Variants in ITSN1 observed in about 807,000 individuals in gnomAD.
The protein encoded by ITSN1 is intersectin-1.
Under a neutral mutation model 239.8 loss-of-function variants are expected in ITSN1, and 58 were observed. The ratio of observed to expected loss-of-function variants is 0.24; its 90% confidence interval spans 0.20 to 0.30. The LOEUF is 0.30. Ranked by LOEUF, ITSN1 falls within the 10% of genes least tolerant of loss-of-function variation. ITSN1 has a pLI of 1.00. For missense variants in ITSN1, 1,558 were observed against 2,103.3 expected (o/e 0.74, Z 5.07); for synonymous variants, 780 against 770.8 (o/e 1.01, Z -0.20).
intron 21 of ITSN1, 58 bp from the exon 22 acceptor site, chr21:33,813,855 A>G: frequency 6.9e-7 from 1 of 1,455,848 alleles, no homozygotes; most frequent in Non-Finnish European, 9.2e-7. Flanking sequence ...TACTGTGGGT[A>G]AAAAGCTGGT....
rs267606116 is a variant in ITSN1, at chr21:33,888,222, G to A, written c.5088G>A (p.Thr1696=). The part of the protein sequence containing the change: ...KKDQGSKGPV[T]KCLLLHEVPT... ...ACCAGGGCTCCAAAGGTCCAGTTAC[G>A]AAGTGTCTTCTGCTGCACGAAGTCC... Residue 1696 remains threonine (T), a synonymous_variant, in exon 40 of 40, where the codon ACG becomes ACA. Transcript: ENST00000381318. 1.2e-5 allele frequency: 19 copies of A among 1,613,992 alleles called. No homozygotes were observed. In the Admixed American group the frequency reaches 1.7e-4, roughly 14 times the overall value.
Position 33,797,310 on chromosome 21 carries a change from TGAAAAGAGG to T in ITSN1, c.1953-68_1953-60del. On this transcript the variant is annotated intron_variant, in intron 17 of 39. Coordinates refer to ENST00000381318, the MANE Select transcript of ITSN1 (RefSeq NM_003024.3). The surrounding 1 kb of genome is among the most constrained non-coding windows in gnomAD (Gnocchi z 4.9). Reference sequence around the variant, plus strand: ...CATTTACTGGATGGAGCTTTTTTTGTGAAAAGAGGCAACAGTAGTGTTAACTTAGAGTTG... The same window carrying T: ...CATTTACTGGATGGAGCTTTTTTTGTCAACAGTAGTGTTAACTTAGAGTTG... 4.4e-6 allele frequency: 6 copies of T among 1,370,256 alleles called. No individual in the cohort carries two copies. In the Admixed American group the frequency reaches 7.3e-5, roughly 17 times the overall value. 84.9% of individuals were successfully genotyped at this position (1,370,256 alleles called of 1,614,324 possible).
chr21:33,704,485 G>A (rs1377250257), intron 1 of ITSN1, among the ~76,000 whole-genome samples: 1 of 152,150 alleles, frequency 6.6e-6, no homozygotes, highest in Non-Finnish European at 1.5e-5. Context: ...TCTGAATCCA[G>A]ACTCTCTCTT....
At chr21:33,874,773 C>T (rs555992370) in intron 33 of ITSN1, among the ~76,000 whole-genome samples, 37 of 152,022 alleles carry the variant, frequency 2.4e-4, no homozygotes, top group African/African-American at 8.7e-4. Context: ...CTCAGCCCCC[C>T]GAGTAGCTGG....
intron 25 of ITSN1, among the ~76,000 whole-genome samples, chr21:33,825,994 T>A (rs1398097466): frequency 6.6e-6 from 1 of 152,236 alleles, no homozygotes; most frequent in Non-Finnish European, 1.5e-5. Flanking sequence ...TACTGCAAGA[T>A]AGACTCAAGC....
intron 6 of ITSN1, among the ~76,000 whole-genome samples, chr21:33,750,932 A>G (rs999385086): frequency 6.6e-6 from 1 of 152,210 alleles, no homozygotes; most frequent in Admixed American, 6.5e-5. Context: ...ATTCATATCA[A>G]TATGGAAAGT....
chr21:33,833,602 G>A (rs187937572), intron 27 of ITSN1, among the ~76,000 whole-genome samples: 37 of 152,274 alleles, frequency 2.4e-4, no homozygotes, highest in South Asian at 8.3e-4. Flanking sequence ...GCGCGGTGGC[G>A]CACGCCTGTA....
chr21:33,673,230 A>T (rs1030112623), intron 1 of ITSN1, among the ~76,000 whole-genome samples: 2 of 152,194 alleles, frequency 1.3e-5, no homozygotes, highest in Non-Finnish European at 2.9e-5. Flanking sequence ...GTAAGAATAG[A>T]GTGGCTGAGT....
chr21:33,802,291 T>C (rs570780928), intron 19 of ITSN1, 139 bp from the exon 20 acceptor site: 6 of 753,454 alleles, frequency 8.0e-6, no homozygotes, highest in Non-Finnish European at 1.4e-5. Flanking sequence ...ATCCTAGGCC[T>C]GTTGAAACCT....
intron 34 of ITSN1, among the ~76,000 whole-genome samples, chr21:33,880,427 G>A (rs947655594): frequency 1.4e-4 from 22 of 152,104 alleles, no homozygotes; most frequent in Non-Finnish European, 2.6e-4. Flanking sequence ...TTGGTCTCCA[G>A]GCTCCTGCCT....
At chr21:33,666,463 A>T (rs571067440) in intron 1 of ITSN1, among the ~76,000 whole-genome samples, 15 of 107,478 alleles carry the variant, frequency 1.4e-4, no homozygotes, top group African/African-American at 6.4e-4. Flanking sequence ...GCTGCAATTT[A>T]AAAAAAATAA....
At chr21:33,854,042 A>G (rs1296158384) in intron 29 of ITSN1, among the ~76,000 whole-genome samples, 1 of 152,216 alleles carries the variant, frequency 6.6e-6, no homozygotes, top group African/African-American at 2.4e-5. Flanking sequence ...TCATAGTAGG[A>G]CATCAGTAAA....
rs762178490 is a variant in ITSN1 at position 33,735,191 on chromosome 21, C to T, written c.333C>T (p.Ser111=). 1.5e-5 allele frequency: 24 copies of T among 1,612,940 alleles called. No homozygotes were observed. Among genetic ancestry groups the T allele is most frequent in the South Asian group, 9.9e-5 (9 of 90,714 alleles). The change falls in exon 5 of 40, where the codon AGC becomes AGT. Residue 111 remains serine (S), a synonymous_variant. Transcript: ENST00000381318. ...AACAGCAACCAGTTGCTATTTCTAGCGCACCAGCATTTGGTAAGTCTGAAA... is the reference window on the plus strand; with the variant it reads ...AACAGCAACCAGTTGCTATTTCTAGTGCACCAGCATTTGGTAAGTCTGAAA... ...VMKQQPVAIS[S]APAFGMGGIA... is the part of the protein sequence containing the mutation.
intron 1 of ITSN1, among the ~76,000 whole-genome samples, chr21:33,715,869 G>T (rs1286410470): frequency 6.6e-6 from 1 of 152,154 alleles, no homozygotes; most frequent in African/African-American, 2.4e-5. Flanking sequence ...AGTGAGCCAA[G>T]ATTGCACCAC....
At chr21:33,868,537 A>G (rs1023651158) in intron 33 of ITSN1, among the ~76,000 whole-genome samples, 1 of 151,918 alleles carries the variant, frequency 6.6e-6, no homozygotes, top group East Asian at 1.9e-4. Flanking sequence ...GACCCAGTAC[A>G]CCCTCCGCAG....
At chr21:33,816,209 A>G (rs1195683592) in intron 22 of ITSN1, among the ~76,000 whole-genome samples, 1 of 151,982 alleles carries the variant, frequency 6.6e-6, no homozygotes, top group Non-Finnish European at 1.5e-5. Context: ...AAAAAAAAGA[A>G]TTGCCTGGCT....
rs1378966474 is a variant in ITSN1, at chr21:33,886,227, A to AG, written c.4844-60_4844-59insG. ...AATCCATCTAAAAAAAAAAAAAAAAAAGAGTGGAGATCAAAATGAGGTGTG... is the reference window on the plus strand; with the variant it reads ...AATCCATCTAAAAAAAAAAAAAAAAAGAGAGTGGAGATCAAAATGAGGTGTG... On this transcript the variant is annotated intron_variant, in intron 38 of 39. Transcript: ENST00000381318. The AG allele has an allele frequency of 4.3e-6, 6 of 1,387,056 alleles. No individual in the cohort carries two copies. The East Asian group carries it at 1.2e-4, about 27-fold the overall frequency. The allele number at this position is 1,387,056 out of a possible 1,614,324, so 85.9% of individuals were successfully genotyped here. A position where few individuals can be genotyped will look rare whatever the true frequency, so the allele number is the denominator to read the frequency against.
intron 26 of ITSN1, among the ~76,000 whole-genome samples, chr21:33,828,168 A>C (rs1047590267): frequency 1.3e-5 from 2 of 152,220 alleles, no homozygotes; most frequent in African/African-American, 4.8e-5. Flanking sequence ...GACTGCAGAG[A>C]ATGTTGGGGC....
chr21:33,661,379 G>T (rs2146264921), intron 1 of ITSN1, among the ~76,000 whole-genome samples: 1 of 152,060 alleles, frequency 6.6e-6, no homozygotes, highest in Non-Finnish European at 1.5e-5. Context: ...CAAGGGCTGA[G>T]ATTTAATAAA....
Sources: allele counts gnomAD v4.1 joint callset (sites outside exome capture counted in the v4.1 genomes callset), GRCh38; gene constraint gnomAD v4.1.1; non-coding constraint Gnocchi (gnomAD v3.1); transcripts MANE v1.5; gene names NCBI Gene and HGNC (gene_info 2026-07-23, HGNC 2026-07-21).